The following DMKN variants were observed in gnomAD, a reference collection of about 807,000 sequenced individuals.
The protein encoded by DMKN is epidermis-specific secreted protein SK30/SK89.
Under a neutral mutation model 67.6 loss-of-function variants are expected in DMKN, and 58 were observed. That is an observed-to-expected ratio of 0.86 (90% CI 0.69 to 1.07). The LOEUF (loss-of-function observed/expected upper bound fraction) is 1.07. Among genes scored for constraint, DMKN ranks in the 50% least tolerant of loss-of-function variants. The pLI is 0.00. For missense variants in DMKN, 596 were observed against 601.5 expected (o/e 0.99, Z 0.10); for synonymous variants, 240 against 232.3 (o/e 1.03, Z -0.30).
At chr19:35,511,352 C>A in intron 5 of DMKN, 59 bp downstream of exon 5, 1 of 1,599,012 alleles carries the variant, frequency 6.3e-7, no homozygotes. Flanking sequence ...AGCCCTCTCC[C>A]GGCAGGGACC....
chr19:35,502,013 G>T (rs993826181), intron 11 of DMKN, 123 bp downstream of exon 11: 4 of 1,578,486 alleles, frequency 2.5e-6, no homozygotes, highest in Non-Finnish European at 2.6e-6. Context: ...CCCCACTCGG[G>T]ATTGCACAAA....
intron 7 of DMKN, chr19:35,507,896 A>G: frequency 2.2e-6 from 1 of 447,084 alleles, no homozygotes; most frequent in South Asian, 3.3e-5. Context: ...TTCAAACTGA[A>G]GGACCCTGTC....
chr19:35,498,583 G>C (rs1221314579), intron 15 of DMKN, 133 bp downstream of exon 15: 1 of 1,234,872 alleles, frequency 8.1e-7, no homozygotes, highest in Non-Finnish European at 1.1e-6. Flanking sequence ...TTTAGAGCAC[G>C]CACCCAGAGC....
Position 35,513,345 on chromosome 19 carries a change from C to A in DMKN, c.131G>T (p.Gly44Val), listed in dbSNP as rs956484494. 23 of 1,613,928 alleles carry A rather than the reference C, an allele frequency of 1.4e-5. No homozygotes were observed. Among genetic ancestry groups the A allele is most frequent in the Non-Finnish European group, 1.9e-5 (22 of 1,180,064 alleles). The change falls in exon 1 of 16, where the codon GGA becomes GTA. Residue 44 changes from glycine (G) to valine (V), a missense_variant. By Grantham distance (109) the Gly-to-Val change is moderately radical. Transcript: ENST00000339686. ...TCCCACCCCTTCGCTCAGGGCGTCT[C>A]CCAGGCCATGTCCAAGGGCCTCCCC... is the stretch of plus-strand genomic sequence containing the variant. Reference protein sequence around the residue: ...NIGEALGHGLGDALSEGVGKA... With the variant: ...NIGEALGHGLVDALSEGVGKA...
At chr19:35,498,965 C>T in intron 13 of DMKN, 68 bp from the exon 14 acceptor site, 1 of 1,611,840 alleles carries the variant, frequency 6.2e-7, no homozygotes, top group Non-Finnish European at 8.5e-7. Context: ...GGCCTCCACG[C>T]TCATGAAGGG....
rs200152656 is a variant in DMKN, at chr19:35,511,375, C to A, written c.918+36G>T. 3,312 of 1,604,938 alleles carry A rather than the reference C, an allele frequency of 2.1e-3. 3 individuals carry two copies. Among genetic ancestry groups the A allele is most frequent in the Non-Finnish European group, 2.7e-3 (3,134 of 1,179,714 alleles). ...CCCGGCAGGGACCACTAGGGCCTCA[C>A]CCCATCTCAGCCTTCCACAGAGGTG... On this transcript the variant is annotated intron_variant, in intron 5 of 15. Coordinates refer to ENST00000339686, the MANE Select transcript of DMKN (RefSeq NM_033317.5).
intron 5 of DMKN, chr19:35,510,543 C>T: frequency 6.5e-7 from 1 of 1,534,380 alleles, no homozygotes; most frequent in Non-Finnish European, 8.8e-7. Context: ...CGCGCAGTAG[C>T]CGCGATCCTG....
rs537544206 is a variant in DMKN, at chr19:35,500,094, C to A, written c.1288-65G>T. The A allele has an allele frequency of 1.7e-5, 27 of 1,559,652 alleles. No individual in the cohort carries two copies. The East Asian group carries it at 3.6e-4, about 21-fold the overall frequency. Reference sequence around the variant, plus strand: ...GAAGGCCATTTTGCTCTGGAATAAACATCCCACCTTCCTGCCTGGACCAGA... The same window carrying A: ...GAAGGCCATTTTGCTCTGGAATAAAAATCCCACCTTCCTGCCTGGACCAGA... On this transcript the variant is annotated intron_variant, in intron 12 of 15. Coordinates refer to ENST00000339686, the MANE Select transcript of DMKN (RefSeq NM_033317.5).
At chr19:35,503,305 G>A (rs2145951758) in intron 9 of DMKN, 1 of 1,528,704 alleles carries the variant, frequency 6.5e-7, no homozygotes, top group South Asian at 1.2e-5. Flanking sequence ...GGCCAGGAGT[G>A]TGGGGCAGCT....
intron 15 of DMKN, chr19:35,498,066 C>T (rs2145813744): frequency 6.5e-6 from 1 of 153,416 alleles, no homozygotes; most frequent in South Asian, 2.1e-4. Flanking sequence ...AAGCGATCTT[C>T]CTGCCTCTGC....
In DMKN at chr19:35,497,515, T is replaced by C. The variant is rs2145797112; in HGVS notation, c.*24A>G. On this transcript the variant is annotated 3_prime_UTR_variant, in exon 16 of 16. Transcript: ENST00000339686. Reference sequence around the variant, plus strand: ...CTGACGACCAGTGCTTTTCGGGGCCTCGGTGGTGGTTGCAAGAAATTGCCT... The same window carrying C: ...CTGACGACCAGTGCTTTTCGGGGCCCCGGTGGTGGTTGCAAGAAATTGCCT... The C allele has an allele frequency of 6.6e-6, 1 of 152,244 alleles. No homozygotes were observed. The highest frequency in any genetic ancestry group is 1.9e-4 in the East Asian group (1 of 5,182). 9.4% of individuals were successfully genotyped at this position (152,244 alleles called of 1,614,324 possible). A position where few individuals can be genotyped will look rare whatever the true frequency, so the allele number is the denominator to read the frequency against.
At chr19:35,507,331 T>G in intron 7 of DMKN, 1 of 871,398 alleles carries the variant, frequency 1.1e-6, no homozygotes, top group Non-Finnish European at 1.8e-6. Context: ...GGTCTCTTGA[T>G]GGTCACTGGA....
intron 7 of DMKN, 44 bp downstream of exon 7, chr19:35,509,867 A>G (rs1450317239): frequency 6.2e-7 from 1 of 1,611,106 alleles, no homozygotes; most frequent in Admixed American, 1.7e-5. Flanking sequence ...AGTCCTGGGC[A>G]GGAACTGCAG....
Position 35,511,578 on chromosome 19 carries a change from GTGAGCCGC to G in DMKN, c.743_750del (p.Ser248ThrfsTer12). The G allele has an allele frequency of 6.2e-7, 1 of 1,611,174 alleles. No homozygotes were observed. Among genetic ancestry groups the G allele is most frequent in the East Asian group, 2.2e-5 (1 of 44,848 alleles). ...CTGCCACTGCCACTGCTGCCCGACT[GTGAGCCGC>G]TGCCTCCCTGAGGGGCAGGAAGGGA... On this transcript the variant is annotated frameshift_variant, in exon 5 of 16. Transcript: ENST00000339686. LOFTEE classifies it high-confidence loss of function.
At chr19:35,508,244 CA>C in intron 7 of DMKN, 2 of 1,552,068 alleles carry the variant, frequency 1.3e-6, no homozygotes, top group Non-Finnish European at 1.7e-6. Flanking sequence ...TGAAGCCCTG[CA>C]GGGTGAGACA....
intron 1 of DMKN, 99 bp downstream of exon 1, chr19:35,512,951 C>A: frequency 6.4e-7 from 1 of 1,556,650 alleles, no homozygotes. Context: ...CAGAAGCCTG[C>A]AAGTAAGAGA....
chr19:35,505,912 T>C (rs773204185), intron 8 of DMKN, 27 bp downstream of exon 8: 2 of 1,613,954 alleles, frequency 1.2e-6, no homozygotes, highest in Admixed American at 1.7e-5. Context: ...CAAATGCGAG[T>C]GAACAGAGCC....
At position 35,510,232 on chromosome 19, in the gene DMKN, G is replaced by T; in HGVS notation, c.939C>A (p.Ser313=). The change falls in exon 6 of 16, where the codon TCC becomes TCA. Residue 313 remains serine (S), a synonymous_variant. Coordinates refer to ENST00000339686, the MANE Select transcript of DMKN (RefSeq NM_033317.5). Reference sequence around the variant, plus strand: ...CGCCGCTCCCACCGTGGTTGCCGGAGGAGGAGCCGGTGCTGGATCCCTGCA... The same window carrying T: ...CGCCGCTCCCACCGTGGTTGCCGGATGAGGAGCCGGTGCTGGATCCCTGCA... ...ESSWGSSTGS[S]SGNHGGSGGG... is the part of the protein sequence containing the mutation. 6.2e-7 allele frequency: 1 copy of T among 1,607,486 alleles called. No homozygotes were observed. Among genetic ancestry groups the T allele is most frequent in the Non-Finnish European group, 8.5e-7 (1 of 1,177,106 alleles).
chr19:35,505,778 C>T lies in DMKN; in HGVS notation c.1087-13G>A. 3.7e-6 allele frequency: 6 copies of T among 1,614,064 alleles called. No individual in the cohort carries two copies. The highest frequency in any genetic ancestry group is 5.1e-6 in the Non-Finnish European group (6 of 1,180,012). ...TGGATTTAAAATTCTATGGAGGAAACAAAAAGAAGAATGGCCAAATTGAGT... is the reference window on the plus strand; with the variant it reads ...TGGATTTAAAATTCTATGGAGGAAATAAAAAGAAGAATGGCCAAATTGAGT... On this transcript the variant is annotated splice_polypyrimidine_tract_variant and intron_variant, in intron 8 of 15. Transcript: ENST00000339686.
Sources: allele counts gnomAD v4.1 joint callset, GRCh38; gene constraint gnomAD v4.1.1; transcripts MANE v1.5; gene names NCBI Gene and HGNC (gene_info 2026-07-23, HGNC 2026-07-21).